TWSG1: variants seen among roughly 807,000 people sequenced by gnomAD.
The protein encoded by TWSG1 is twisted gastrulation protein homolog 1.
In TWSG1, 15 loss-of-function variants were observed where a neutral mutation model predicts 23.0. The ratio of observed to expected loss-of-function variants is 0.65; its 90% CI spans 0.44 to 1.00. TWSG1 has a LOEUF of 1.00. Ranked by LOEUF, TWSG1 falls within the 50% of genes least tolerant of loss-of-function variation. The probability of loss-of-function intolerance (pLI) is 0.00; values close to 1 mark genes in which losing one functional copy is unlikely to be tolerated. For missense variants in TWSG1, 242 were observed against 278.7 expected, an observed-to-expected ratio of 0.87 and a Z score of 0.94; for synonymous variants, 86 against 92.8, an observed-to-expected ratio of 0.93 and a Z score of 0.42.
intron 2 of TWSG1, among the ~76,000 whole-genome samples, chr18:9,357,313 A>G (rs1196910788): frequency 6.6e-6 from 1 of 152,200 alleles, no homozygotes; most frequent in East Asian, 1.9e-4. Flanking sequence ...ACACATATAC[A>G]CTTATATCAA....
intron 4 of TWSG1, 198 bp downstream of exon 4, chr18:9,396,744 T>A (rs904676020): frequency 6.1e-5 from 35 of 578,140 alleles, no homozygotes; most frequent in Non-Finnish European, 9.0e-5. Flanking sequence ...AGAAAAAAAA[T>A]ATCTCCAATC....
chr18:9,378,505 A>G (rs1363638505), intron 3 of TWSG1, among the ~76,000 whole-genome samples: 4 of 152,218 alleles, frequency 2.6e-5, no homozygotes, highest in East Asian at 3.8e-4. Flanking sequence ...TAGGAACTCA[A>G]TCCCATTCAC....
chr18:9,380,796 G>C (rs2040652513), intron 3 of TWSG1, among the ~76,000 whole-genome samples: 1 of 152,172 alleles, frequency 6.6e-6, no homozygotes, highest in Non-Finnish European at 1.5e-5. Flanking sequence ...TTTGAGAGAG[G>C]ACAGATGGTA....
chr18:9,381,817 T>G (rs1007649539), intron 3 of TWSG1, among the ~76,000 whole-genome samples: 1 of 151,154 alleles, frequency 6.6e-6, no homozygotes, highest in African/African-American at 2.4e-5. Context: ...CTAGAAAGTA[T>G]ACCCCAAAAG....
intron 3 of TWSG1, among the ~76,000 whole-genome samples, chr18:9,369,842 T>A (rs2040596541): frequency 6.6e-6 from 1 of 152,196 alleles, no homozygotes; most frequent in South Asian, 2.1e-4. Flanking sequence ...CCTGAGTTCG[T>A]TACATATTTT....
intron 3 of TWSG1, among the ~76,000 whole-genome samples, chr18:9,381,266 A>G (rs577439135): frequency 1.4e-4 from 21 of 152,346 alleles, no homozygotes; most frequent in African/African-American, 4.3e-4. Context: ...GTCTCCTGCC[A>G]TCTGTTCTTC....
intron 2 of TWSG1, among the ~76,000 whole-genome samples, chr18:9,354,770 A>G (rs1172758844): frequency 6.6e-6 from 1 of 152,178 alleles, no homozygotes; most frequent in Non-Finnish European, 1.5e-5. Context: ...TTAGACATGC[A>G]TAGGAATTTA....
intron 2 of TWSG1, among the ~76,000 whole-genome samples, chr18:9,345,674 A>T (rs1165923794): frequency 6.6e-6 from 1 of 152,170 alleles, no homozygotes; most frequent in Non-Finnish European, 1.5e-5. Flanking sequence ...TATGTTTTGA[A>T]ATCAGGAAGT....
intron 3 of TWSG1, among the ~76,000 whole-genome samples, chr18:9,374,676 T>G (rs2040620701): frequency 6.6e-6 from 1 of 152,180 alleles, no homozygotes; most frequent in Admixed American, 6.5e-5. Context: ...ACTCATTCTG[T>G]GAGGTTAGCA....
At chr18:9,351,338 A>G (rs1224930152) in intron 2 of TWSG1, among the ~76,000 whole-genome samples, 2 of 152,144 alleles carry the variant, frequency 1.3e-5, no homozygotes, top group African/African-American at 4.8e-5. Flanking sequence ...ATTTTGATAT[A>G]GCTCCTTCTG....
intron 3 of TWSG1, among the ~76,000 whole-genome samples, chr18:9,382,368 C>T (rs1248335847): frequency 6.6e-6 from 1 of 151,636 alleles, no homozygotes; most frequent in Non-Finnish European, 1.5e-5. Context: ...ATTAAAAATA[C>T]AAAAATTAGC....
chr18:9,362,617 G>A (rs557393474), intron 3 of TWSG1, among the ~76,000 whole-genome samples: 3 of 152,190 alleles, frequency 2.0e-5, no homozygotes, highest in East Asian at 1.9e-4. Context: ...GTGTTTGTGC[G>A]AGTGTATGAA....
intron 1 of TWSG1, among the ~76,000 whole-genome samples, chr18:9,336,190 G>A (rs1344736394): frequency 3.3e-5 from 5 of 152,028 alleles, no homozygotes; most frequent in South Asian, 2.1e-4. Flanking sequence ...TCAGGAGATC[G>A]AGACCAGCCT....
intron 2 of TWSG1, among the ~76,000 whole-genome samples, chr18:9,340,787 C>G (rs1448189656): frequency 6.6e-6 from 1 of 152,232 alleles, no homozygotes; most frequent in Non-Finnish European, 1.5e-5. Context: ...CTGTGCAATA[C>G]AGTAGAATCT....
At chr18:9,358,377 A>C (rs905701752) in intron 2 of TWSG1, among the ~76,000 whole-genome samples, 1 of 152,216 alleles carries the variant, frequency 6.6e-6, no homozygotes, top group African/African-American at 2.4e-5. Context: ...CTTGGAAGAC[A>C]ATCTGATTGA....
At chr18:9,398,676 T>G (rs1051607626) in intron 4 of TWSG1, among the ~76,000 whole-genome samples, 1 of 152,066 alleles carries the variant, frequency 6.6e-6, no homozygotes, top group Non-Finnish European at 1.5e-5. Context: ...CCAGGCTGGT[T>G]GCAAACTCCT....
In TWSG1 at chr18:9,342,293, G is replaced by A. The variant is rs562158783; in HGVS notation, c.123+4941G>A. ...AGCAGGGATAATAACCATACTGTGC[G>A]AGTATTGTGAGGATTAGGTGTAAAG... On this transcript the variant is annotated intron_variant, in intron 2 of 4. Transcript: ENST00000262120. Among the ~76,000 whole-genome samples, 4 of 152,300 alleles carry A rather than the reference G, an allele frequency of 2.6e-5. No individual in the cohort carries two copies. The South Asian group carries it at 8.3e-4, about 32-fold the overall frequency.
At chr18:9,346,330 T>A (rs2040477287) in intron 2 of TWSG1, among the ~76,000 whole-genome samples, 1 of 152,220 alleles carries the variant, frequency 6.6e-6, no homozygotes, top group East Asian at 1.9e-4. Flanking sequence ...AATGCATTTA[T>A]TTTTATCACT....
chr18:9,351,922 A>G (rs1010150509), intron 2 of TWSG1, among the ~76,000 whole-genome samples: 1 of 152,206 alleles, frequency 6.6e-6, no homozygotes, highest in African/African-American at 2.4e-5. Context: ...CTGGGATTAC[A>G]GGCATGAGCC....
Sources: gnomAD v4.1 joint callset for allele counts (sites outside exome capture counted in the v4.1 genomes callset) on GRCh38, gnomAD v4.1.1 for gene constraint, MANE v1.5 for transcripts, NCBI Gene and HGNC (gene_info 2026-07-23, HGNC 2026-07-21) for gene names.